The following VAV2 variants were observed in gnomAD, a reference collection of about 807,000 sequenced individuals.
VAV2 encodes vav guanine nucleotide exchange factor 2, also known as guanine nucleotide exchange factor VAV2.
VAV2 carries 67 observed loss-of-function variants against 132.5 expected under a neutral mutation model. The observed-to-expected ratio is 0.51, with a 90% CI of 0.42 to 0.62. The LOEUF (loss-of-function observed/expected upper bound fraction) is 0.62, where lower values mean the gene tolerates loss of function less well. Ranked by LOEUF, VAV2 falls within the 20% of genes least tolerant of loss-of-function variation. The probability of loss-of-function intolerance (pLI) is 0.00; values close to 1 mark genes in which losing one functional copy is unlikely to be tolerated. For missense variants in VAV2, 938 were observed against 1,153.6 expected (o/e 0.81, Z 2.71); for synonymous variants, 492 against 443.5 (o/e 1.11, Z -1.37).
intron 2 of VAV2, among the ~76,000 whole-genome samples, chr9:133,880,064 GAGA>G (rs1464356400): frequency 1.3e-5 from 2 of 152,236 alleles, no homozygotes; most frequent in Admixed American, 6.5e-5. Context: ...GGAAGTAGAG[GAGA>G]AAGAAGAGAC....
At chr9:133,955,448 A>G (rs1477564889) in intron 1 of VAV2, among the ~76,000 whole-genome samples, 3 of 31,106 alleles carry the variant, frequency 9.6e-5, no homozygotes, top group Non-Finnish European at 1.8e-4. Context: ...CTCTCCCCAT[A>G]CTCCCCACTC....
rs1173430129 is a variant in VAV2, at chr9:133,804,986, A to AG, written c.836+1094dup. On this transcript the variant is annotated intron_variant, in intron 9 of 29. Coordinates refer to ENST00000371850, the MANE Select transcript of VAV2 (RefSeq NM_001134398.2). The surrounding 1 kb of genome is among the most constrained non-coding windows in gnomAD (Gnocchi z 4.5). ...GGCTCCAGGACCCTCCTCACAGGGA[A>AG]GGGGGGAGCGCCTTTCCTGAAGCTA... is the stretch of plus-strand genomic sequence containing the variant. Among the ~76,000 whole-genome samples the AG allele has an allele frequency of 2.6e-5, 4 of 152,056 alleles. No homozygotes were observed. Among genetic ancestry groups the AG allele is most frequent in the Non-Finnish European group, 5.9e-5 (4 of 67,978 alleles).
chr9:133,969,156 C>A lies in VAV2; in HGVS notation c.204+22919G>T, dbSNP rs1842244340. On this transcript the variant is annotated intron_variant, in intron 1 of 29. Coordinates refer to ENST00000371850, the MANE Select transcript of VAV2 (RefSeq NM_001134398.2). This position sits in a 1 kb window ranked among gnomAD's most constrained non-coding sequence, Gnocchi z 5.1. ...CCCCGAGAGCTGGATTCCACCGTGCCCGCCGGGCCTGCGAGGACGAGAGCT... is the reference window on the plus strand; with the variant it reads ...CCCCGAGAGCTGGATTCCACCGTGCACGCCGGGCCTGCGAGGACGAGAGCT... 6.6e-6 allele frequency among the ~76,000 whole-genome samples: 1 copy of A among 151,844 alleles called. No individual in the cohort carries two copies. Among genetic ancestry groups the A allele is most frequent in the Non-Finnish European group, 1.5e-5 (1 of 67,958 alleles).
intron 1 of VAV2, among the ~76,000 whole-genome samples, chr9:133,972,949 C>T (rs1483100964): frequency 6.6e-6 from 1 of 152,172 alleles, no homozygotes; most frequent in Non-Finnish European, 1.5e-5. Context: ...AGAAGCTCCC[C>T]ATCACCACTT....
chr9:133,879,085 T>C lies in VAV2; in HGVS notation c.322-17653A>G, dbSNP rs1838384116. ...ATCCCAGGCATCCTGTGACATAGTCTTCCAGAGGGGACCGGGCCGGGCTTG... is the reference window on the plus strand; with the variant it reads ...ATCCCAGGCATCCTGTGACATAGTCCTCCAGAGGGGACCGGGCCGGGCTTG... On this transcript the variant is annotated intron_variant, in intron 2 of 29. Coordinates refer to ENST00000371850, the MANE Select transcript of VAV2 (RefSeq NM_001134398.2). The surrounding 1 kb of genome is among the most constrained non-coding windows in gnomAD (Gnocchi z 4.4). Among the ~76,000 whole-genome samples, 1 of 152,182 alleles carries C rather than the reference T, an allele frequency of 6.6e-6. No individual in the cohort carries two copies. Among genetic ancestry groups the C allele is most frequent in the African/African-American group, 2.4e-5 (1 of 41,448 alleles).
chr9:133,860,627 C>T (rs1588280052), intron 3 of VAV2, among the ~76,000 whole-genome samples: 2 of 152,158 alleles, frequency 1.3e-5, no homozygotes, highest in Non-Finnish European at 2.9e-5. Flanking sequence ...CCCATCCTCG[C>T]TGCTCTCAGG....
At chr9:133,938,725 C>T (rs1170920592) in intron 2 of VAV2, among the ~76,000 whole-genome samples, 4 of 152,126 alleles carry the variant, frequency 2.6e-5, no homozygotes, top group African/African-American at 7.2e-5. Context: ...GTACTAACTT[C>T]GACCCATTCT....
chr9:133,830,100 G>A (rs1210198405), intron 4 of VAV2, among the ~76,000 whole-genome samples: 1 of 152,162 alleles, frequency 6.6e-6, no homozygotes, highest in South Asian at 2.1e-4. Context: ...ACATTTGCAG[G>A]TTCCCTGGGA....
At chr9:133,822,460 T>C (rs1175480453) in intron 4 of VAV2, among the ~76,000 whole-genome samples, 2 of 152,080 alleles carry the variant, frequency 1.3e-5, no homozygotes, top group African/African-American at 4.8e-5. Context: ...ATGGTGTGCA[T>C]GTGGGGAAGG....
At chr9:133,808,206 A>T (rs922112030) in intron 7 of VAV2, among the ~76,000 whole-genome samples, 9 of 152,098 alleles carry the variant, frequency 5.9e-5, no homozygotes, top group African/African-American at 2.2e-4. Context: ...GCTTCGAGGG[A>T]ACTGGAAGGA....
At chr9:133,797,934 C>A (rs1834786055) in intron 9 of VAV2, 125 bp from the exon 10 acceptor site, 2 of 772,582 alleles carry the variant, frequency 2.6e-6, no homozygotes, top group East Asian at 2.9e-5. Flanking sequence ...CCCCTGACAG[C>A]TCCCTGCACG....
chr9:133,833,855 C>T lies in VAV2; in HGVS notation c.449+417G>A, dbSNP rs1384252692. ...GCCCACACACTCCTGTGCCCTGAACCTGCGCTCCAGGCAGCACCGCTCCCT... is the reference window on the plus strand; with the variant it reads ...GCCCACACACTCCTGTGCCCTGAACTTGCGCTCCAGGCAGCACCGCTCCCT... On this transcript the variant is annotated intron_variant, in intron 4 of 29. Transcript: ENST00000371850. The surrounding 1 kb of genome is among the most constrained non-coding windows in gnomAD (Gnocchi z 5.6). Among the ~76,000 whole-genome samples the T allele has an allele frequency of 6.6e-6, 1 of 152,190 alleles. No individual in the cohort carries two copies. Among genetic ancestry groups the T allele is most frequent in the Non-Finnish European group, 1.5e-5 (1 of 68,024 alleles).
At chr9:133,848,408 G>A (rs555474753) in intron 3 of VAV2, among the ~76,000 whole-genome samples, 29 of 152,194 alleles carry the variant, frequency 1.9e-4, no homozygotes, top group South Asian at 6.2e-4. Context: ...TGGAGTAGAC[G>A]CAGCTCCTTT....
intron 1 of VAV2, among the ~76,000 whole-genome samples, chr9:133,951,434 T>C (rs1841556438): frequency 6.6e-6 from 1 of 152,174 alleles, no homozygotes; most frequent in Admixed American, 6.5e-5. Flanking sequence ...GAGCCTCTCC[T>C]GCAGGTGCCT....
In VAV2 at chr9:133,794,855, A is replaced by C. The variant is rs973503189; in HGVS notation, c.1101+813T>G. 6.6e-6 allele frequency among the ~76,000 whole-genome samples: 1 copy of C among 152,168 alleles called. No homozygotes were observed. The highest frequency in any genetic ancestry group is 2.4e-5 in the African/African-American group (1 of 41,430). On this transcript the variant is annotated intron_variant, in intron 12 of 29. Transcript: ENST00000371850. This position sits in a 1 kb window ranked among gnomAD's most constrained non-coding sequence, Gnocchi z 4.6. ...ACGAACAAGTGTGTCCAGGAGGAAG[A>C]GTGCCACCCACGAGGAAGCCAGTTC...
intron 1 of VAV2, among the ~76,000 whole-genome samples, chr9:133,958,300 C>G (rs985150782): frequency 7.1e-6 from 1 of 141,432 alleles, no homozygotes; most frequent in Admixed American, 7.2e-5. Flanking sequence ...TGGAATGTCT[C>G]GGTATAAAAC....
At chr9:133,954,048 C>T (rs780867429) in intron 1 of VAV2, among the ~76,000 whole-genome samples, 3 of 152,168 alleles carry the variant, frequency 2.0e-5, no homozygotes, top group Non-Finnish European at 4.4e-5. Flanking sequence ...GCACTATACA[C>T]GCCATGGGAT....
At chr9:133,939,525 A>G (rs576972154) in intron 1 of VAV2, among the ~76,000 whole-genome samples, 23 of 152,308 alleles carry the variant, frequency 1.5e-4, no homozygotes, top group African/African-American at 5.5e-4. Context: ...AGGCCTGTGC[A>G]TTCAGAAGAC....
At position 133,905,155 on chromosome 9, in the gene VAV2, G is replaced by A. The variant is rs554154694; in HGVS notation, c.321+33948C>T. On this transcript the variant is annotated intron_variant, in intron 2 of 29. Transcript: ENST00000371850. Reference sequence around the variant, plus strand: ...AGCCAGAACAGTGGCTCAGCCGGGCGCGGTGGCTCACGCCTGTAATCCCAG... The same window carrying A: ...AGCCAGAACAGTGGCTCAGCCGGGCACGGTGGCTCACGCCTGTAATCCCAG... Among the ~76,000 whole-genome samples, 630 of 152,296 alleles carry A rather than the reference G, an allele frequency of 4.1e-3. 6 individuals are homozygous for A. The highest frequency in any genetic ancestry group is 0.015 in the African/African-American group (607 of 41,552).
Sources: allele counts gnomAD v4.1 joint callset (sites outside exome capture counted in the v4.1 genomes callset), GRCh38; gene constraint gnomAD v4.1.1; non-coding constraint Gnocchi (gnomAD v3.1); transcripts MANE v1.5; gene names NCBI Gene and HGNC (gene_info 2026-07-23, HGNC 2026-07-21).